Variants in GAREM2 observed in about 807,000 individuals in gnomAD.
GAREM2 encodes GRB2 associated regulator of MAPK1 subtype 2, also known as GRB2-associated and regulator of MAPK protein 2.
Under a neutral mutation model 55.6 loss-of-function variants are expected in GAREM2, and 30 were observed. The ratio of observed to expected loss-of-function variants is 0.54; its 90% CI spans 0.40 to 0.73. GAREM2 has a LOEUF of 0.73. Ranked by LOEUF, GAREM2 falls within the 30% of genes least tolerant of loss-of-function variation. The pLI is 0.00. For synonymous variants in GAREM2, 550 were observed against 569.1 expected (o/e 0.97, Z 0.48); for missense variants, 1,075 against 1,257.7 (o/e 0.85, Z 2.20).
At position 26,184,886 on chromosome 2, in the gene GAREM2, C is replaced by G; in HGVS notation, c.1038C>G (p.Ser346=). 1 of 1,459,862 alleles carries G rather than the reference C, an allele frequency of 6.8e-7. No homozygotes were observed. The highest frequency in any genetic ancestry group is 9.0e-7 in the Non-Finnish European group (1 of 1,115,204). 90.4% of individuals were successfully genotyped at this position (1,459,862 alleles called of 1,614,324 possible). ...RVERLVRDSA[S]YCRERFDPDE... ...AGCGCCTGGTGCGCGACAGCGCCTC[C>G]TACTGCCGCGAGCGCTTCGACCCCG... Residue 346 remains serine, a synonymous_variant, in exon 4 of 6, where the codon TCC becomes TCG. Transcript: ENST00000401533.
chr2:26,176,353 C>T lies in GAREM2; in HGVS notation c.122C>T (p.Ala41Val), dbSNP rs1038445659. 1 of 1,544,548 alleles carries T rather than the reference C, an allele frequency of 6.5e-7. No homozygotes were observed. The highest frequency in any genetic ancestry group is 8.7e-7 in the Non-Finnish European group (1 of 1,142,960). The change falls in exon 2 of 6, where the codon GCC becomes GTC. Residue 41 changes from alanine (A) to valine (V), a missense_variant. Around this residue, in one of 6 missense-constraint regions of GAREM2, gnomAD observed 230 missense variants for 310.6 expected, o/e 0.74. Coordinates refer to ENST00000401533, the MANE Select transcript of GAREM2 (RefSeq NM_001168241.2). The stretch of plus-strand genomic sequence containing the variant: ...TCCTCCCCCTTCCCAGGGGAGTACG[C>T]CGAGGGCGTCAGTGAGCGAGACATC... The part of the protein sequence containing the change: ...TLACLGPGEY[A>V]EGVSERDILL...
downstream of GAREM2, among the ~76,000 whole-genome samples, chr2:26,190,088 C>T (rs1014194203): frequency 3.3e-5 from 5 of 152,346 alleles, no homozygotes; most frequent in African/African-American, 1.2e-4. Flanking sequence ...AAAACCTCAA[C>T]TCAGAGGTGA....
intron 2 of GAREM2, chr2:26,181,029 T>C: frequency 1.0e-6 from 1 of 985,558 alleles, no homozygotes. Flanking sequence ...CCCTTCCCAG[T>C]ATCTCTTGGT....
At chr2:26,182,937 C>T (rs773863774) in intron 2 of GAREM2, 30 bp from the exon 3 acceptor site, 72 of 1,550,058 alleles carry the variant, frequency 4.6e-5, no homozygotes, top group Non-Finnish European at 6.0e-5. Context: ...GGCAGGCCCA[C>T]TCCAGCAACT....
chr2:26,204,108 C>T, the GAREM2 span: 17 of 1,613,896 alleles, frequency 1.1e-5, no homozygotes, highest in East Asian at 3.6e-4. Context: ...GTGAGGGTGG[C>T]ATCTTTAAGT....
At chr2:26,192,692 G>C (rs187704225), downstream of GAREM2, among the ~76,000 whole-genome samples, 33 of 152,120 alleles carry the variant, frequency 2.2e-4, no homozygotes, top group East Asian at 6.4e-3. Context: ...ACGAGATTAT[G>C]CCACTGCACT....
intron 1 of GAREM2, among the ~76,000 whole-genome samples, chr2:26,175,800 T>G (rs1668846126): frequency 6.6e-6 from 1 of 152,102 alleles, no homozygotes; most frequent in Non-Finnish European, 1.5e-5. Flanking sequence ...GTCCGGGCCC[T>G]CTCCACTGCC....
Position 26,185,112 on chromosome 2 carries a change from G to C in GAREM2, c.1264G>C (p.Ala422Pro), listed in dbSNP as rs1488205135. The part of the protein sequence containing the change: ...PDWAAAPEPA[A>P]PPAEIPYEEL... ...CTGGGCAGCCGCGCCCGAGCCCGCC[G>C]CGCCGCCCGCCGAGATCCCCTACGA... The change falls in exon 4 of 6, where the codon GCG becomes CCG. Residue 422 changes from alanine (A) to proline (P), a missense_variant. Ala to Pro is a conservative substitution (Grantham distance 27). Around this residue, in one of 6 missense-constraint regions of GAREM2, gnomAD observed 515 missense variants for 501.5 expected, o/e 1.03. Transcript: ENST00000401533. 1 of 1,446,186 alleles carries C rather than the reference G, an allele frequency of 6.9e-7. No individual in the cohort carries two copies. The highest frequency in any genetic ancestry group is 9.0e-7 in the Non-Finnish European group (1 of 1,107,790). 89.6% of individuals were successfully genotyped at this position (1,446,186 alleles called of 1,614,324 possible). A position where few individuals can be genotyped will look rare whatever the true frequency, so the allele number is the denominator to read the frequency against.
chr2:26,176,212 C>T (rs1052341128), intron 1 of GAREM2, 132 bp from the exon 2 acceptor site: 19 of 851,718 alleles, frequency 2.2e-5, no homozygotes, highest in Non-Finnish European at 3.1e-5. Context: ...GCTTTGCTGA[C>T]CTGGACAGGG....
At position 26,187,301 on chromosome 2, in the gene GAREM2, TG is replaced by T; in HGVS notation, c.1673del (p.Gly558GlufsTer34). The T allele has an allele frequency of 6.6e-7, 1 of 1,513,868 alleles. No individual in the cohort carries two copies. Among genetic ancestry groups the T allele is most frequent in the South Asian group, 1.3e-5 (1 of 78,638 alleles). The allele number at this position is 1,513,868 out of a possible 1,614,324, so 93.8% of individuals were successfully genotyped here. Reference sequence around the variant, plus strand: ...CTCCCTCTATTGCTACCCATGCACCTGGGGAGACTGCAAGGTGGGCGAGTCC... The same window carrying T: ...CTCCCTCTATTGCTACCCATGCACCTGGGAGACTGCAAGGTGGGCGAGTCC... ...TYSLYCYPCT[W>X]GDCKVGESSS... is the part of the protein sequence containing the mutation. On this transcript the variant is annotated frameshift_variant, in exon 6 of 6. Transcript: ENST00000401533. LOFTEE classifies it high-confidence loss of function.
intron 1 of GAREM2, 120 bp from the exon 2 acceptor site, chr2:26,176,224 T>C: frequency 1.1e-6 from 1 of 928,332 alleles, no homozygotes; most frequent in East Asian, 3.1e-5. Flanking sequence ...TGGACAGGGA[T>C]TGTGTGGAGC....
intron 2 of GAREM2, among the ~76,000 whole-genome samples, chr2:26,177,344 A>G (rs1164410663): frequency 6.6e-6 from 1 of 152,184 alleles, no homozygotes; most frequent in Non-Finnish European, 1.5e-5. Context: ...CGGATCCCAC[A>G]TCTGCCATGT....
chr2:26,187,476 T>G lies in GAREM2; in HGVS notation c.1844T>G (p.Phe615Cys), dbSNP rs779880292. ...ACCTACCACAGCTGCCCTCCTCTAT[T>G]CAAGCCCTCACATCCCCAGAAGCGC... The part of the protein sequence containing the change: ...VKTYHSCPPL[F>C]KPSHPQKRFA... The change falls in exon 6 of 6, where the codon TTC becomes TGC. Residue 615 changes from phenylalanine (F) to cysteine (C), a missense_variant. Transcript: ENST00000401533. 9.0e-6 allele frequency: 14 copies of G among 1,547,740 alleles called. No homozygotes were observed. The highest frequency in any genetic ancestry group is 4.1e-5 in the African/African-American group (3 of 72,900).
chr2:26,188,323 G>T lies in GAREM2; in HGVS notation c.*66G>T. On this transcript the variant is annotated 3_prime_UTR_variant, in exon 6 of 6. Transcript: ENST00000401533. Reference sequence around the variant, plus strand: ...GGGCCCCAGGTACAGCACTCCGGAGGAGCAGGTGCTGCCTGCAAGAAGGAT... The same window carrying T: ...GGGCCCCAGGTACAGCACTCCGGAGTAGCAGGTGCTGCCTGCAAGAAGGAT... The T allele has an allele frequency of 8.0e-7, 1 of 1,244,160 alleles. No individual in the cohort carries two copies. 77.1% of individuals were successfully genotyped at this position (1,244,160 alleles called of 1,614,324 possible). A position where few individuals can be genotyped will look rare whatever the true frequency, so the allele number is the denominator to read the frequency against.
At chr2:26,177,270 G>C (rs1668892958) in intron 2 of GAREM2, among the ~76,000 whole-genome samples, 1 of 152,256 alleles carries the variant, frequency 6.6e-6, no homozygotes, top group South Asian at 2.1e-4. Flanking sequence ...TGTGGTTGCT[G>C]TCCCCTGTGT....
At chr2:26,181,197 T>A in intron 2 of GAREM2, 2 of 918,738 alleles carry the variant, frequency 2.2e-6, no homozygotes, top group Non-Finnish European at 2.6e-6. Flanking sequence ...AAAGCTTTAC[T>A]GCTTTAGCAA....
chr2:26,182,101 C>T (rs1669069159), intron 2 of GAREM2: 3 of 1,092,228 alleles, frequency 2.7e-6, no homozygotes, highest in Admixed American at 4.8e-5. Context: ...GCCAGGGCGG[C>T]TCAGAGCTTG....
At chr2:26,174,353 ACTGTGTCTG>A (rs1403095012) in intron 1 of GAREM2, among the ~76,000 whole-genome samples, 1 of 152,168 alleles carries the variant, frequency 6.6e-6, no homozygotes, top group Admixed American at 6.5e-5. Context: ...AGAGTGTGGT[ACTGTGTCTG>A]CCTGTGAATG....
the GAREM2 span, chr2:26,201,368 GT>G: frequency 7.5e-7 from 1 of 1,327,812 alleles, no homozygotes; most frequent in Non-Finnish European, 1.1e-6. Context: ...GGAAACTAAC[GT>G]TTATTGAATG....
Sources: allele counts gnomAD v4.1 joint callset (sites outside exome capture counted in the v4.1 genomes callset), GRCh38; gene constraint gnomAD v4.1.1; regional missense constraint gnomAD v4.1.1; transcripts MANE v1.5; gene names NCBI Gene and HGNC (gene_info 2026-07-23, HGNC 2026-07-21).